The following WASL variants were observed in gnomAD, a reference collection of about 807,000 sequenced individuals.
The protein encoded by WASL is actin nucleation-promoting factor WASL.
A neutral mutation model predicts 55.5 loss-of-function variants in WASL; 20 were observed. That is an observed-to-expected ratio of 0.36 (90% CI 0.25 to 0.52). WASL has a LOEUF of 0.52. Ranked by LOEUF, WASL falls within the 20% of genes least tolerant of loss-of-function variation. WASL has a pLI of 0.92. For missense variants in WASL, 504 were observed against 622.5 expected, an observed-to-expected ratio of 0.81 and a Z score of 2.03; for synonymous variants, 249 against 217.6, an observed-to-expected ratio of 1.14 and a Z score of -1.27.
rs1301955428 is a variant in WASL, at chr7:123,696,616, ATCT to A, written c.589_591del (p.Arg197del). The stretch of plus-strand genomic sequence containing the variant: ...GGTGTTCCTATATCTGCCTTGGTTA[ATCT>A]CTTCTTTTTAGCTTTTCCCTTCTTC... On this transcript the variant is annotated inframe_deletion, in exon 6 of 11. Coordinates refer to ENST00000223023, the MANE Select transcript of WASL (RefSeq NM_003941.4). 1 of 1,599,760 alleles carries A rather than the reference ATCT, an allele frequency of 6.3e-7. No homozygotes were observed. The highest frequency in any genetic ancestry group is 8.5e-7 in the Non-Finnish European group (1 of 1,172,940).
At chr7:123,739,446 G>A (rs1256938918) in intron 1 of WASL, among the ~76,000 whole-genome samples, 1 of 152,148 alleles carries the variant, frequency 6.6e-6, no homozygotes, top group Non-Finnish European at 1.5e-5. Context: ...ACAATGGTGC[G>A]AAAGCAATAT....
rs1404930560 is a variant in WASL, at chr7:123,748,766, C to A, written c.-32G>T. 1 of 1,505,600 alleles carries A rather than the reference C, an allele frequency of 6.6e-7. No individual in the cohort carries two copies. The highest frequency in any genetic ancestry group is 2.0e-5 in the Admixed American group (1 of 49,030). The allele number at this position is 1,505,600 out of a possible 1,614,324, so 93.3% of individuals were successfully genotyped here. A position where few individuals can be genotyped will look rare whatever the true frequency, so the allele number is the denominator to read the frequency against. ...GCCGGCGGGGTTGGGAGTCCAGGGC[C>A]GTCTCCTCCGGCGAGTGGGCGAGAG... On this transcript the variant is annotated 5_prime_UTR_variant, in exon 1 of 11. Coordinates refer to ENST00000223023, the MANE Select transcript of WASL (RefSeq NM_003941.4).
intron 1 of WASL, among the ~76,000 whole-genome samples, chr7:123,739,792 C>T (rs188429999): frequency 1.3e-5 from 2 of 151,876 alleles, no homozygotes; most frequent in African/African-American, 2.4e-5. Context: ...ATTCTCTAGG[C>T]TATTTAAGGT....
chr7:123,684,983 A>G (rs1332336853), intron 10 of WASL, among the ~76,000 whole-genome samples: 1 of 151,820 alleles, frequency 6.6e-6, no homozygotes, highest in Admixed American at 6.6e-5. Context: ...CTGCTGCTCC[A>G]TCTCAATAAA....
chr7:123,688,972 T>C, intron 10 of WASL, 70 bp downstream of exon 10: 2 of 1,323,834 alleles, frequency 1.5e-6, no homozygotes, highest in Non-Finnish European at 1.1e-6. Flanking sequence ...CGTCAAACAT[T>C]CAAATTTATT....
chr7:123,745,445 G>A (rs2402672), intron 1 of WASL, among the ~76,000 whole-genome samples: 1 of 151,946 alleles, frequency 6.6e-6, no homozygotes, highest in African/African-American at 2.4e-5. Flanking sequence ...GGTATCTTCA[G>A]CGGTGAGAGA....
chr7:123,719,465 G>A (rs1346218424), intron 1 of WASL, among the ~76,000 whole-genome samples: 1 of 152,154 alleles, frequency 6.6e-6, no homozygotes, highest in Non-Finnish European at 1.5e-5. Flanking sequence ...AGTCAGGCTG[G>A]CGAGATGACC....
In WASL at chr7:123,692,889, A is replaced by T. The variant is rs200608976; in HGVS notation, c.827-22T>A. The T allele has an allele frequency of 3.1e-4, 411 of 1,347,396 alleles. No homozygotes were observed. The African/African-American group carries it at 5.6e-3, about 18-fold the overall frequency. The allele number at this position is 1,347,396 out of a possible 1,614,324, so 83.5% of individuals were successfully genotyped here. ...GGTGCTGAAATGCAAACAGAAAAAAAGAAGGCATGCTTTTTTCTTCTCATA... is the reference window on the plus strand; with the variant it reads ...GGTGCTGAAATGCAAACAGAAAAAATGAAGGCATGCTTTTTTCTTCTCATA... On this transcript the variant is annotated intron_variant, in intron 8 of 10. Transcript: ENST00000223023.
At chr7:123,719,256 T>C (rs1417999632) in intron 1 of WASL, among the ~76,000 whole-genome samples, 1 of 152,238 alleles carries the variant, frequency 6.6e-6, no homozygotes, top group Non-Finnish European at 1.5e-5. Flanking sequence ...AGCCTCATTG[T>C]CATCTACCAC....
intron 1 of WASL, 127 bp downstream of exon 1, chr7:123,748,491 G>A (rs976271213): frequency 1.2e-5 from 11 of 938,028 alleles, no homozygotes; most frequent in Non-Finnish European, 1.7e-5. Flanking sequence ...GCCGGGGCCG[G>A]GGCCGGGGCT....
At chr7:123,705,171 G>A (rs547980229) in intron 4 of WASL, among the ~76,000 whole-genome samples, 59 of 152,262 alleles carry the variant, frequency 3.9e-4, no homozygotes, top group African/African-American at 1.3e-3. Context: ...ATGGTGGCCT[G>A]GATTAGGATG....
Position 123,748,088 on chromosome 7 carries a change from C to CCTCT in WASL, c.117+526_117+529dup, listed in dbSNP as rs531092548. Among the ~76,000 whole-genome samples the CCTCT allele has an allele frequency of 2.5e-3, 374 of 152,120 alleles. 3 individuals carry two copies. Among genetic ancestry groups the CCTCT allele is most frequent in the African/African-American group, 8.4e-3 (347 of 41,492 alleles). On this transcript the variant is annotated intron_variant, in intron 1 of 10. Coordinates refer to ENST00000223023, the MANE Select transcript of WASL (RefSeq NM_003941.4). ...CGAAGAGCAATAACATTTCTTGCAC[C>CCTCT]CTCTCTAATCCGAAGAGAGCCCAGG...
Position 123,696,726 on chromosome 7 carries a change from G to A in WASL, c.482C>T (p.Thr161Ile), listed in dbSNP as rs559192460. Residue 161 changes from threonine to isoleucine, a missense_variant, in exon 6 of 11, where the codon ACA becomes ATA. Thr to Ile is a moderately conservative substitution (Grantham distance 89). Coordinates refer to ENST00000223023, the MANE Select transcript of WASL (RefSeq NM_003941.4). ...PPNGPNLPMA[T>I]VDIKNPEITT... ...GATTTCTGGATTTTTTATATCAACT[G>A]TAGCCATGGGTAGATTAGGACCTGC... 2 of 1,586,630 alleles carry A rather than the reference G, an allele frequency of 1.3e-6. No homozygotes were observed. The highest frequency in any genetic ancestry group is 1.4e-5 in the African/African-American group (1 of 73,904).
At chr7:123,710,589 A>T (rs545419129) in intron 1 of WASL, among the ~76,000 whole-genome samples, 1 of 152,180 alleles carries the variant, frequency 6.6e-6, no homozygotes, top group Non-Finnish European at 1.5e-5. Context: ...AAAAGTCCAT[A>T]AAGACTTGCT....
chr7:123,743,241 G>A (rs1804375704), intron 1 of WASL, among the ~76,000 whole-genome samples: 1 of 152,058 alleles, frequency 6.6e-6, no homozygotes, highest in South Asian at 2.1e-4. Flanking sequence ...GGAGGCTGAG[G>A]GAGGAGAATA....
rs1803541325 is a variant in WASL at position 123,699,343 on chromosome 7, C to A, written c.461-2596G>T. Among the ~76,000 whole-genome samples the A allele has an allele frequency of 2.0e-5, 3 of 152,156 alleles. No homozygotes were observed. In the South Asian group the frequency reaches 6.2e-4, roughly 32 times the overall value. On this transcript the variant is annotated intron_variant, in intron 5 of 10. Coordinates refer to ENST00000223023, the MANE Select transcript of WASL (RefSeq NM_003941.4). Reference sequence around the variant, plus strand: ...CAGTGGGCTGAGATTGCGCCACTGACTCCAGCCCGGGCGACAGAGCAAGAC... The same window carrying A: ...CAGTGGGCTGAGATTGCGCCACTGAATCCAGCCCGGGCGACAGAGCAAGAC...
chr7:123,746,906 T>G (rs1265771160), intron 1 of WASL, among the ~76,000 whole-genome samples: 4 of 152,240 alleles, frequency 2.6e-5, no homozygotes, highest in Admixed American at 2.6e-4. Flanking sequence ...ACTTCCTTTT[T>G]GATACAGGTT....
chr7:123,726,635 C>T (rs1228379498), intron 1 of WASL, among the ~76,000 whole-genome samples: 1 of 152,164 alleles, frequency 6.6e-6, no homozygotes, highest in Middle Eastern at 3.2e-3. Context: ...GAGGCCAAGG[C>T]GGGTGGATTA....
chr7:123,733,849 C>T (rs547169805), intron 1 of WASL, among the ~76,000 whole-genome samples: 2 of 135,884 alleles, frequency 1.5e-5, no homozygotes, highest in Admixed American at 8.1e-5. Flanking sequence ...GGAGCAAAGG[C>T]AATCCAATAA....
Sources: allele counts gnomAD v4.1 joint callset (sites outside exome capture counted in the v4.1 genomes callset), GRCh38; gene constraint gnomAD v4.1.1; transcripts MANE v1.5; gene names NCBI Gene and HGNC (gene_info 2026-07-23, HGNC 2026-07-21).